The following RSPH14 variants were observed in gnomAD, a reference collection of about 807,000 sequenced individuals.
The protein encoded by RSPH14 is rhabdoid tumor deletion region gene 1.
RSPH14 carries 20 observed loss-of-function variants against 26.7 expected under a neutral mutation model. That is an observed-to-expected ratio of 0.75 (90% CI 0.53 to 1.09). The LOEUF (loss-of-function observed/expected upper bound fraction) is 1.09, where lower values mean the gene tolerates loss of function less well. RSPH14 is among the 50% of genes least tolerant of loss of function. The pLI, the probability that RSPH14 is intolerant of heterozygous loss-of-function variation, is 0.00. For synonymous variants in RSPH14, 177 were observed against 189.3 expected, an observed-to-expected ratio of 0.93 and a Z score of 0.53; for missense variants, 449 against 457.2, an observed-to-expected ratio of 0.98 and a Z score of 0.16.
the RSPH14 span, among the ~76,000 whole-genome samples, chr22:23,178,460 G>A: frequency 6.6e-6 from 1 of 151,908 alleles, no homozygotes; most frequent in African/African-American, 2.4e-5. Flanking sequence ...GCACTGCTCA[G>A]TATGGCACTA....
the RSPH14 span, among the ~76,000 whole-genome samples, chr22:23,159,655 C>T: frequency 6.6e-6 from 1 of 152,202 alleles, no homozygotes; most frequent in Non-Finnish European, 1.5e-5. Flanking sequence ...CCAAACACAC[C>T]CTCACCTGTA....
At chr22:23,070,472 T>A (rs2068327359) in intron 4 of RSPH14, 2 of 149,028 alleles carry the variant, frequency 1.3e-5, no homozygotes, top group Admixed American at 6.7e-5. Flanking sequence ...GCTGCCCGCG[T>A]CGTACGGAAC....
the RSPH14 span, chr22:23,158,156 G>A: frequency 2.6e-6 from 4 of 1,533,816 alleles, no homozygotes; most frequent in South Asian, 2.5e-5. Flanking sequence ...TGAGTGACCA[G>A]GGCCCCTTGT....
At chr22:23,105,278 T>C (rs1328595544) in intron 4 of RSPH14, among the ~76,000 whole-genome samples, 3 of 152,234 alleles carry the variant, frequency 2.0e-5, no homozygotes, top group African/African-American at 7.2e-5. Context: ...GAGGAGTGAC[T>C]ATGGGCAAGG....
chr22:23,103,388 T>C (rs981852994), intron 4 of RSPH14, among the ~76,000 whole-genome samples: 6 of 152,122 alleles, frequency 3.9e-5, no homozygotes, highest in African/African-American at 1.4e-4. Flanking sequence ...GCTCAGTCAC[T>C]GGTGTATGGC....
At chr22:23,141,369 GAC>G (rs373529565) in intron 1 of RSPH14, among the ~76,000 whole-genome samples, 3 of 148,622 alleles carry the variant, frequency 2.0e-5, no homozygotes, top group Non-Finnish European at 3.0e-5. Flanking sequence ...TTTTATTGCC[GAC>G]ACACACACAC....
the RSPH14 span, among the ~76,000 whole-genome samples, chr22:23,178,440 G>A: frequency 2.6e-5 from 4 of 151,218 alleles, no homozygotes; most frequent in South Asian, 8.3e-4. Context: ...ATAGGCCACT[G>A]AGGATGAGAG....
At chr22:23,110,231 C>T (rs1397918030) in intron 4 of RSPH14, among the ~76,000 whole-genome samples, 1 of 152,114 alleles carries the variant, frequency 6.6e-6, no homozygotes, top group Non-Finnish European at 1.5e-5. Flanking sequence ...CCTCTGAGCA[C>T]CACTTTCCAC....
chr22:23,147,205 TC>T (rs2070831233), upstream of RSPH14, among the ~76,000 whole-genome samples: 1 of 152,230 alleles, frequency 6.6e-6, no homozygotes, highest in Non-Finnish European at 1.5e-5. Flanking sequence ...CTCTCTTGTG[TC>T]TGTATTAAAA....
chr22:23,119,217 C>T (rs564972896), intron 4 of RSPH14, among the ~76,000 whole-genome samples: 28 of 152,208 alleles, frequency 1.8e-4, no homozygotes, highest in Non-Finnish European at 3.2e-4. Flanking sequence ...CACAGGCTCC[C>T]GAGGTCACCA....
At chr22:23,176,601 T>C in the RSPH14 span, among the ~76,000 whole-genome samples, 20 of 152,136 alleles carry the variant, frequency 1.3e-4, no homozygotes, top group African/African-American at 4.8e-4. Flanking sequence ...TTGGGTCTGA[T>C]CACCCCAACA....
chr22:23,096,067 G>T, intron 4 of RSPH14: 1 of 1,608,220 alleles, frequency 6.2e-7, no homozygotes, highest in South Asian at 1.1e-5. Context: ...CACCCGAGCT[G>T]CTGGGTGTCA....
At chr22:23,141,897 G>T in intron 1 of RSPH14, 52 bp downstream of exon 1, 1 of 812,984 alleles carries the variant, frequency 1.2e-6, no homozygotes, top group Non-Finnish European at 1.5e-6. Flanking sequence ...GGACTGGGTG[G>T]GTCACTGGGC....
the RSPH14 span, chr22:23,164,076 A>G: frequency 6.6e-6 from 1 of 152,398 alleles, no homozygotes; most frequent in Admixed American, 6.5e-5. Flanking sequence ...AGCCTGGTCC[A>G]CTAAATGCAG....
the RSPH14 span, chr22:23,159,100 A>C: frequency 6.3e-7 from 1 of 1,591,366 alleles, no homozygotes; most frequent in Admixed American, 1.7e-5. Context: ...GCAGCTGCCT[A>C]TCCCCCTGGG....
the RSPH14 span, among the ~76,000 whole-genome samples, chr22:23,165,882 C>T: frequency 6.6e-6 from 1 of 152,122 alleles, no homozygotes; most frequent in East Asian, 1.9e-4. Flanking sequence ...CACAGTGGCT[C>T]ATGCCTGTAA....
At chr22:23,078,391 C>T (rs2068567917) in intron 4 of RSPH14, among the ~76,000 whole-genome samples, 3 of 152,240 alleles carry the variant, frequency 2.0e-5, no homozygotes, top group Non-Finnish European at 4.4e-5. Flanking sequence ...CCTTGCCCCA[C>T]CCCGTGGCTG....
the RSPH14 span, among the ~76,000 whole-genome samples, chr22:23,173,597 T>C: frequency 2.0e-5 from 3 of 150,070 alleles, no homozygotes; most frequent in Non-Finnish European, 4.4e-5. Flanking sequence ...CATGCCACAA[T>C]GCTCAGGTAA....
At chr22:23,061,775 G>T (rs778340707) in intron 6 of RSPH14, 34 bp downstream of exon 6, 6 of 1,612,514 alleles carry the variant, frequency 3.7e-6, no homozygotes, top group Non-Finnish European at 5.1e-6. Flanking sequence ...GCCTGCTAGG[G>T]TCTCCCTCCC....
Sources: allele counts gnomAD v4.1 joint callset (sites outside exome capture counted in the v4.1 genomes callset), GRCh38; gene constraint gnomAD v4.1.1; transcripts MANE v1.5; gene names NCBI Gene and HGNC (gene_info 2026-07-23, HGNC 2026-07-21).